The following PRELID2 variants were observed in gnomAD, a reference collection of about 807,000 sequenced individuals.
The protein encoded by PRELID2 is PRELI domain containing 2, also known as PRELI domain-containing protein 2.
Under a neutral mutation model 28.4 loss-of-function variants are expected in PRELID2, and 25 were observed. That is an observed-to-expected ratio of 0.88 (90% CI 0.64 to 1.23). The LOEUF (loss-of-function observed/expected upper bound fraction) is 1.23. PRELID2 is among the 50% of genes most tolerant of loss of function. The pLI is 0.00. For synonymous variants in PRELID2, 76 were observed against 71.6 expected (o/e 1.06, Z -0.31); for missense variants, 201 against 214.4 (o/e 0.94, Z 0.39).
At chr5:145,747,106 C>T (rs1309367169) in intron 1 of PRELID2, among the ~76,000 whole-genome samples, 1 of 151,940 alleles carries the variant, frequency 6.6e-6, no homozygotes, top group Non-Finnish European at 1.5e-5. Context: ...AACACCCTAA[C>T]ATCACAATTA....
At chr5:145,406,816 C>T in the PRELID2 span, among the ~76,000 whole-genome samples, 4 of 152,152 alleles carry the variant, frequency 2.6e-5, no homozygotes, top group African/African-American at 9.6e-5. Flanking sequence ...TCTGAAAATC[C>T]AGACCACAGG....
the PRELID2 span, among the ~76,000 whole-genome samples, chr5:145,392,715 A>G: frequency 1.3e-5 from 2 of 152,040 alleles, no homozygotes; most frequent in Non-Finnish European, 2.9e-5. Flanking sequence ...AGAAAGAGAG[A>G]GGGAAAGAAG....
chr5:145,761,292 T>C (rs1757462590), intron 6 of PRELID2, among the ~76,000 whole-genome samples: 1 of 152,230 alleles, frequency 6.6e-6, no homozygotes, highest in Non-Finnish European at 1.5e-5. Flanking sequence ...CCACTTTATG[T>C]GCCAAACTAA....
chr5:145,799,459 G>C (rs1168568512), intron 4 of PRELID2, among the ~76,000 whole-genome samples: 9 of 152,102 alleles, frequency 5.9e-5, no homozygotes, highest in African/African-American at 1.9e-4. Context: ...CACAGAGAAG[G>C]AGATGGTCTC....
chr5:145,247,542 G>C, the PRELID2 span, among the ~76,000 whole-genome samples: 2 of 152,084 alleles, frequency 1.3e-5, no homozygotes, highest in Non-Finnish European at 2.9e-5. Flanking sequence ...ATGGTCTTCT[G>C]TCCTACATTA....
intron 3 of PRELID2, 94 bp from the exon 4 acceptor site, chr5:145,818,148 G>A: frequency 7.6e-7 from 1 of 1,314,800 alleles, no homozygotes; most frequent in Non-Finnish European, 1.1e-6. Flanking sequence ...GGATAACCAA[G>A]AGGACAAGTA....
chr5:145,450,956 G>A, the PRELID2 span: 2 of 152,220 alleles, frequency 1.3e-5, no homozygotes, highest in African/African-American at 4.8e-5. Context: ...AGAGATGACA[G>A]GAAGCATGGA....
At chr5:145,321,325 C>A in the PRELID2 span, among the ~76,000 whole-genome samples, 1 of 152,118 alleles carries the variant, frequency 6.6e-6, no homozygotes, top group African/African-American at 2.4e-5. Context: ...AATTCCATTT[C>A]TAGAGAAACA....
chr5:145,682,704 A>C (rs1357025285), intron 1 of PRELID2, among the ~76,000 whole-genome samples: 1 of 152,164 alleles, frequency 6.6e-6, no homozygotes, highest in African/African-American at 2.4e-5. Flanking sequence ...CCATGTGGGA[A>C]GGTTAGGTGA....
At chr5:145,377,137 C>T in the PRELID2 span, among the ~76,000 whole-genome samples, 2 of 152,130 alleles carry the variant, frequency 1.3e-5, no homozygotes, top group African/African-American at 4.8e-5. Context: ...GCTTTAATTT[C>T]ATTATTTACC....
Position 145,757,018 on chromosome 5 carries a change from C to T in PRELID2, c.*3518G>A, listed in dbSNP as rs1366252097. On this transcript the variant is annotated 3_prime_UTR_variant, in exon 7 of 7. Transcript: ENST00000683046. ...CGACTCTGAAAAGATTTAATTATCCCCAGTAGACTGTGTTTGCAAAAGCAG... is the reference window on the plus strand; with the variant it reads ...CGACTCTGAAAAGATTTAATTATCCTCAGTAGACTGTGTTTGCAAAAGCAG... 6.6e-6 allele frequency among the ~76,000 whole-genome samples: 1 copy of T among 152,080 alleles called. No homozygotes were observed. The highest frequency in any genetic ancestry group is 2.4e-5 in the African/African-American group (1 of 41,428).
intron 1 of PRELID2, among the ~76,000 whole-genome samples, chr5:145,602,234 G>A (rs1272398305): frequency 6.6e-6 from 1 of 152,182 alleles, no homozygotes; most frequent in Non-Finnish European, 1.5e-5. Context: ...CAAAGGTAGA[G>A]AGAAAAGTCC....
chr5:145,594,289 T>C (rs1753272079), intron 1 of PRELID2, among the ~76,000 whole-genome samples: 1 of 152,212 alleles, frequency 6.6e-6, no homozygotes, highest in African/African-American at 2.4e-5. Context: ...GCAATGAGTT[T>C]ATCTTTTATC....
At chr5:145,599,368 C>A (rs890039207) in intron 1 of PRELID2, among the ~76,000 whole-genome samples, 2 of 152,168 alleles carry the variant, frequency 1.3e-5, no homozygotes, top group African/African-American at 4.8e-5. Flanking sequence ...TTCACTAAAT[C>A]CAGGCTCAAC....
chr5:145,705,366 G>T (rs540825589), intron 1 of PRELID2, among the ~76,000 whole-genome samples: 95 of 135,810 alleles, frequency 7.0e-4, no homozygotes, highest in African/African-American at 2.3e-3. Flanking sequence ...AATTTTTGTG[G>T]GTTTTTTTTG....
At chr5:145,276,263 T>C in the PRELID2 span, among the ~76,000 whole-genome samples, 2 of 152,176 alleles carry the variant, frequency 1.3e-5, no homozygotes, top group Non-Finnish European at 2.9e-5. Flanking sequence ...AGTACCGCTG[T>C]GGTCTTAGAG....
chr5:145,512,468 T>A (rs1484675966), intron 1 of PRELID2, among the ~76,000 whole-genome samples: 1 of 152,196 alleles, frequency 6.6e-6, no homozygotes, highest in Non-Finnish European at 1.5e-5. Context: ...GGGCAGGGCA[T>A]CTCTGAAAGA....
At chr5:145,229,078 T>TG in the PRELID2 span, 1 of 1,551,032 alleles carries the variant, frequency 6.4e-7, no homozygotes, top group Non-Finnish European at 8.9e-7. Flanking sequence ...CACTACCTCC[T>TG]GGGTACTTCT....
At chr5:145,373,496 TTATATATTA>T in the PRELID2 span, among the ~76,000 whole-genome samples, 36 of 26,134 alleles carry the variant, frequency 1.4e-3, 9 homozygotes, top group African/African-American at 5.8e-3. Flanking sequence ...ATATATGATA[TTATATATTA>T]CAACATATAT....
Sources: gnomAD v4.1 joint callset for allele counts (sites outside exome capture counted in the v4.1 genomes callset) on GRCh38, gnomAD v4.1.1 for gene constraint, MANE v1.5 for transcripts, NCBI Gene and HGNC (gene_info 2026-07-23, HGNC 2026-07-21) for gene names.